Variants in GPATCH2 observed in about 807,000 individuals in gnomAD.
The protein encoded by GPATCH2 is G-patch domain containing 2.
Under a neutral mutation model 58.0 loss-of-function variants are expected in GPATCH2, and 51 were observed. That is an observed-to-expected ratio of 0.88 (90% CI 0.70 to 1.11). The LOEUF (loss-of-function observed/expected upper bound fraction) is 1.11. GPATCH2 is among the 50% of genes most tolerant of loss of function. GPATCH2 has a pLI of 0.00. For synonymous variants in GPATCH2, 222 were observed against 218.5 expected (o/e 1.02, Z -0.14); for missense variants, 625 against 652.2 (o/e 0.96, Z 0.45).
intron 5 of GPATCH2, among the ~76,000 whole-genome samples, chr1:217,520,671 T>C (rs1316736983): frequency 6.6e-6 from 1 of 152,142 alleles, no homozygotes; most frequent in Admixed American, 6.5e-5. Context: ...TTGTTATGCT[T>C]TTACAATGCA....
chr1:217,551,316 T>C (rs1027907818), intron 5 of GPATCH2, among the ~76,000 whole-genome samples: 2 of 152,076 alleles, frequency 1.3e-5, no homozygotes, highest in African/African-American at 4.8e-5. Context: ...CTCATTGTCA[T>C]TTAAGAAAGG....
At chr1:217,530,779 A>C (rs1394446916) in intron 5 of GPATCH2, among the ~76,000 whole-genome samples, 1 of 152,196 alleles carries the variant, frequency 6.6e-6, no homozygotes, top group East Asian at 1.9e-4. Flanking sequence ...TTAATTCAAT[A>C]ATTTCCACAA....
At chr1:217,453,949 G>A (rs1399866162) in intron 8 of GPATCH2, among the ~76,000 whole-genome samples, 3 of 152,114 alleles carry the variant, frequency 2.0e-5, no homozygotes, top group Non-Finnish European at 4.4e-5. Context: ...GTGACTATGG[G>A]CCCTGGCATT....
intron 5 of GPATCH2, among the ~76,000 whole-genome samples, chr1:217,543,268 C>CT (rs1558471552): frequency 5.3e-5 from 7 of 132,018 alleles, no homozygotes; most frequent in East Asian, 2.7e-4. Context: ...ATGATGCGAA[C>CT]GTTTTTTTTT....
intron 8 of GPATCH2, among the ~76,000 whole-genome samples, chr1:217,468,827 C>T (rs1006325386): frequency 6.6e-6 from 1 of 151,570 alleles, no homozygotes; most frequent in Non-Finnish European, 1.5e-5. Context: ...ACAGGGTTTG[C>T]CACACGTTGA....
chr1:217,511,365 T>C (rs747238742), intron 6 of GPATCH2, among the ~76,000 whole-genome samples: 2 of 152,176 alleles, frequency 1.3e-5, no homozygotes, highest in Non-Finnish European at 2.9e-5. Flanking sequence ...CCAGGGCTGA[T>C]AATTTTCAGG....
chr1:217,605,639 T>C (rs1202517597), intron 5 of GPATCH2, among the ~76,000 whole-genome samples: 2 of 152,216 alleles, frequency 1.3e-5, no homozygotes, highest in African/African-American at 4.8e-5. Context: ...TGAATGCGGA[T>C]TTTCAGTAGA....
intron 5 of GPATCH2, among the ~76,000 whole-genome samples, chr1:217,564,570 A>G (rs1267356023): frequency 6.6e-6 from 1 of 152,206 alleles, no homozygotes; most frequent in African/African-American, 2.4e-5. Context: ...CTTTGAAAAC[A>G]TACTCAAAAT....
At chr1:217,538,927 G>A (rs894285196) in intron 5 of GPATCH2, among the ~76,000 whole-genome samples, 2 of 152,090 alleles carry the variant, frequency 1.3e-5, no homozygotes, top group African/African-American at 4.8e-5. Flanking sequence ...TCCCATCACT[G>A]CCCCCTTTAT....
rs148865618 is a variant in GPATCH2 at position 217,468,674 on chromosome 1, C to G, written c.1278-19337G>C. On this transcript the variant is annotated intron_variant, in intron 8 of 9. Transcript: ENST00000366935. Reference sequence around the variant, plus strand: ...AAAACAATAAAGGAAATGTAAATATCAATTGCATATATACATATTCATATA... The same window carrying G: ...AAAACAATAAAGGAAATGTAAATATGAATTGCATATATACATATTCATATA... 3.5e-3 allele frequency among the ~76,000 whole-genome samples: 523 copies of G among 151,514 alleles called. 2 individuals are homozygous for G. The highest frequency in any genetic ancestry group is 0.012 in the African/African-American group (508 of 41,346).
At chr1:217,523,256 G>A (rs538440484) in intron 5 of GPATCH2, among the ~76,000 whole-genome samples, 1 of 151,616 alleles carries the variant, frequency 6.6e-6, no homozygotes, top group Non-Finnish European at 1.5e-5. Context: ...CAATAGTGGA[G>A]GGAAGGTCAG....
chr1:217,449,082 T>C (rs984837035), intron 9 of GPATCH2, among the ~76,000 whole-genome samples, 167 bp downstream of exon 9: 4 of 152,216 alleles, frequency 2.6e-5, no homozygotes, highest in African/African-American at 9.6e-5. Flanking sequence ...GATCTACACA[T>C]GGAACATGTA....
chr1:217,444,047 C>T (rs1313206771), intron 9 of GPATCH2, among the ~76,000 whole-genome samples: 1 of 152,108 alleles, frequency 6.6e-6, no homozygotes, highest in African/African-American at 2.4e-5. Context: ...TTTGAATGTG[C>T]TTCTGAAACC....
At chr1:217,434,138 G>A (rs1658697697) in intron 9 of GPATCH2, among the ~76,000 whole-genome samples, 1 of 152,196 alleles carries the variant, frequency 6.6e-6, no homozygotes, top group South Asian at 2.1e-4. Flanking sequence ...CCATGTAACA[G>A]AAAGAACCTT....
intron 8 of GPATCH2, among the ~76,000 whole-genome samples, chr1:217,474,367 A>G (rs1029164101): frequency 1.3e-5 from 2 of 152,236 alleles, no homozygotes; most frequent in African/African-American, 4.8e-5. Flanking sequence ...AGAAAGGTCA[A>G]AGAGTTGGGA....
At chr1:217,548,854 G>C (rs1277629044) in intron 5 of GPATCH2, among the ~76,000 whole-genome samples, 1 of 152,064 alleles carries the variant, frequency 6.6e-6, no homozygotes, top group Non-Finnish European at 1.5e-5. Flanking sequence ...GTTTCCTGAG[G>C]CCTCCCCAGC....
intron 5 of GPATCH2, among the ~76,000 whole-genome samples, chr1:217,601,771 CACTT>C (rs1469293006): frequency 6.6e-6 from 1 of 152,144 alleles, no homozygotes; most frequent in African/African-American, 2.4e-5. Flanking sequence ...AATTCTCTAA[CACTT>C]ACCCTGCTTA....
chr1:217,524,265 C>T (rs1238437504), intron 5 of GPATCH2, among the ~76,000 whole-genome samples: 2 of 149,136 alleles, frequency 1.3e-5, no homozygotes, highest in African/African-American at 2.5e-5. Context: ...TCAGACGGGG[C>T]GGCCGGGCAG....
chr1:217,467,031 C>T (rs1268166472), intron 8 of GPATCH2, among the ~76,000 whole-genome samples: 2 of 151,996 alleles, frequency 1.3e-5, no homozygotes, highest in African/African-American at 4.8e-5. Context: ...AAATTAGCTA[C>T]GTGTGGTGGC....
Sources: gnomAD v4.1 joint callset for allele counts (sites outside exome capture counted in the v4.1 genomes callset) on GRCh38, gnomAD v4.1.1 for gene constraint, MANE v1.5 for transcripts, NCBI Gene and HGNC (gene_info 2026-07-23, HGNC 2026-07-21) for gene names.